DNAH17: variants seen among roughly 807,000 people sequenced by gnomAD.
DNAH17 encodes the protein axonemal beta dynein heavy chain 17.
A neutral mutation model predicts 485.6 loss-of-function variants in DNAH17; 376 were observed. The ratio of observed to expected loss-of-function variants is 0.77; its 90% CI spans 0.71 to 0.84. The LOEUF is 0.84. DNAH17 is among the 40% of genes least tolerant of loss of function. DNAH17 has a pLI of 0.00. For missense variants in DNAH17, 6,370 were observed against 5,839.3 expected (o/e 1.09, Z -2.96); for synonymous variants, 3,031 against 2,405.9 (o/e 1.26, Z -7.60).
Position 78,469,643 on chromosome 17 carries a change from G to A in DNAH17, c.8512-760C>T, listed in dbSNP as rs116527622. Among the ~76,000 whole-genome samples the A allele has an allele frequency of 4.8e-3, 727 of 152,322 alleles. 3 individuals are homozygous for A. The highest frequency in any genetic ancestry group is 0.016 in the African/African-American group (667 of 41,566). On this transcript the variant is annotated intron_variant, in intron 54 of 80. Transcript: ENST00000389840. ...CAAAACCTTGAACAGAGCACAGCCA[G>A]GTTCACAGCAGCCATCAGGACAACC...
rs1397012808 is a variant in DNAH17 at position 78,525,465 on chromosome 17, C to T, written c.3712-304G>A. Reference sequence around the variant, plus strand: ...AGTTTCTGATTTCCCAGCATTTCTTCAACTTTCATATTATATTTTTATCTT... The same window carrying T: ...AGTTTCTGATTTCCCAGCATTTCTTTAACTTTCATATTATATTTTTATCTT... On this transcript the variant is annotated intron_variant, in intron 24 of 80. Transcript: ENST00000389840. Among the ~76,000 whole-genome samples the T allele has an allele frequency of 2.6e-5, 4 of 152,248 alleles. No individual in the cohort carries two copies. The East Asian group carries it at 5.8e-4, about 22-fold the overall frequency.
At chr17:78,547,028 C>T (rs1355214166) in intron 16 of DNAH17, among the ~76,000 whole-genome samples, 2 of 152,198 alleles carry the variant, frequency 1.3e-5, no homozygotes, top group Non-Finnish European at 2.9e-5. Flanking sequence ...TCATGTTTAT[C>T]ACCATGGATA....
rs1194299555 is a variant in DNAH17 at position 78,571,737 on chromosome 17, G to T, written c.585C>A (p.Thr195=). The change falls in exon 4 of 81, where the codon ACC becomes ACA. Residue 195 remains threonine, a synonymous_variant. Transcript: ENST00000389840. ...LDNLLLHAIE[T]TIIDWSHQIR... ...TCTGGTGGGACCAGTCGATGATGGT[G>T]GTTTCAATGGCGTGCAGGAGCAAGT... 8 of 1,610,624 alleles carry T rather than the reference G, an allele frequency of 5.0e-6. No homozygotes were observed. The Admixed American group carries it at 1.2e-4, about 24-fold the overall frequency.
chr17:78,433,422 G>A (rs1487920610), intron 75 of DNAH17, among the ~76,000 whole-genome samples: 4 of 152,238 alleles, frequency 2.6e-5, no homozygotes, highest in Non-Finnish European at 4.4e-5. Flanking sequence ...ACCTTGCTCT[G>A]TGCCCCGACC....
In DNAH17 at chr17:78,535,946, G is replaced by A. The variant is rs1018718108; in HGVS notation, c.2859+1353C>T. The stretch of plus-strand genomic sequence containing the variant: ...TTTTTTTTTATTGCTATACAAATAG[G>A]TGCTTTGACAAACACACCACCTCAA... On this transcript the variant is annotated intron_variant, in intron 19 of 80. Transcript: ENST00000389840. Among the ~76,000 whole-genome samples the A allele has an allele frequency of 3.3e-5, 5 of 152,118 alleles. 1 individual carries two copies. In the South Asian group the frequency reaches 1.0e-3, roughly 32 times the overall value.
rs2087416335 is a variant in DNAH17, at chr17:78,448,646, G to A, written c.11211+768C>T. 3.9e-5 allele frequency among the ~76,000 whole-genome samples: 6 copies of A among 152,238 alleles called. No homozygotes were observed. The South Asian group carries it at 1.2e-3, about 31-fold the overall frequency. On this transcript the variant is annotated intron_variant, in intron 69 of 80. Transcript: ENST00000389840. The stretch of plus-strand genomic sequence containing the variant: ...TGAATGTGTTCCCCAAAAAGCATAT[G>A]TTGGAAACTGAATCCTCAGTGCAAC...
intron 29 of DNAH17, 41 bp from the exon 30 acceptor site, chr17:78,506,887 C>T (rs1568172727): frequency 6.2e-7 from 1 of 1,612,630 alleles, no homozygotes; most frequent in South Asian, 1.1e-5. Flanking sequence ...GGTGACCCTA[C>T]TCTGTAGGGA....
intron 14 of DNAH17, among the ~76,000 whole-genome samples, chr17:78,554,758 AT>A (rs948156636): frequency 6.6e-6 from 1 of 151,930 alleles, no homozygotes; most frequent in Non-Finnish European, 1.5e-5. Flanking sequence ...TTGGTACTTT[AT>A]TTTTTGAGAC....
chr17:78,545,828 A>G lies in DNAH17; in HGVS notation c.2392-1831T>C, dbSNP rs535738942. Among the ~76,000 whole-genome samples, 9 of 152,298 alleles carry G rather than the reference A, an allele frequency of 5.9e-5. No homozygotes were observed. In the South Asian group the frequency reaches 1.7e-3, roughly 28 times the overall value. On this transcript the variant is annotated intron_variant, in intron 16 of 80. Coordinates refer to ENST00000389840, the MANE Select transcript of DNAH17 (RefSeq NM_173628.4). Reference sequence around the variant, plus strand: ...GGGAACACAACATTTTAGGACAACTATAATTTTTATATAGATTTTACTTGA... The same window carrying G: ...GGGAACACAACATTTTAGGACAACTGTAATTTTTATATAGATTTTACTTGA...
At chr17:78,476,256 C>T (rs142263862) in intron 52 of DNAH17, among the ~76,000 whole-genome samples, 2 of 129,284 alleles carry the variant, frequency 1.5e-5, no homozygotes, top group East Asian at 2.7e-4. Flanking sequence ...CCCACAGCCA[C>T]GTGCCAGAGT....
rs1405575057 is a variant in DNAH17, at chr17:78,494,959, C to A, written c.6042G>T (p.Gln2014His). Residue 2014 changes from glutamine to histidine, a missense_variant and splice_region_variant, in exon 39 of 81, where the codon CAG becomes CAT. Physicochemically the swap from Gln to His is conservative, Grantham distance 24 (BLOSUM62 0). Transcript: ENST00000389840. ...YTLCKELLSK[Q>H]DHYDWGLRAI... is the part of the protein sequence containing the mutation. The stretch of plus-strand genomic sequence containing the variant: ...GCCGTGAGCTCCAGGACACACACAC[C>A]TGCTTCGAGAGCAGCTCCTTGCACA... 1 of 1,610,938 alleles carries A rather than the reference C, an allele frequency of 6.2e-7. No individual in the cohort carries two copies. The highest frequency in any genetic ancestry group is 1.7e-5 in the Admixed American group (1 of 59,916).
At chr17:78,531,089 T>C (rs561702090) in intron 20 of DNAH17, among the ~76,000 whole-genome samples, 1 of 152,342 alleles carries the variant, frequency 6.6e-6, no homozygotes, top group Non-Finnish European at 1.5e-5. Flanking sequence ...TTAACTCCAA[T>C]GTTTCTTTGC....
At position 78,449,479 on chromosome 17, in the gene DNAH17, T is replaced by C. The variant is rs556862603; in HGVS notation, c.11146A>G (p.Met3716Val). Reference protein sequence around the residue: ...LTDEITYSVYMYTARGLFERD... With the variant: ...LTDEITYSVYVYTARGLFERD... ...TCGAAGAGTCCCCGGGCCGTGTACA[T>C]GTAGACGGAGTAGGTGATCTCGTCC... The change falls in exon 69 of 81, where the codon ATG becomes GTG. Residue 3716 changes from methionine (M) to valine (V), a missense_variant. Met to Val is a conservative substitution (Grantham distance 21). Transcript: ENST00000389840. 8.3e-6 allele frequency: 13 copies of C among 1,568,334 alleles called. No homozygotes were observed. In the South Asian group the frequency reaches 1.2e-4, roughly 14 times the overall value.
At chr17:78,492,866 T>TTTTTTTTTTTTTC in intron 41 of DNAH17, 101 bp from the exon 42 acceptor site, 1 of 1,033,998 alleles carries the variant, frequency 9.7e-7, no homozygotes, top group East Asian at 3.4e-5. Context: ...TTTTTTTTTT[T>TTTTTTTTTTTTTC]TTGAGATGGA....
chr17:78,504,959 G>A (rs937149805), intron 31 of DNAH17, among the ~76,000 whole-genome samples: 1 of 129,318 alleles, frequency 7.7e-6, no homozygotes, highest in Non-Finnish European at 1.6e-5. Context: ...AGGCTGGAGT[G>A]CAGTGGCGCG....
chr17:78,426,355 C>T (rs2086459761), intron 79 of DNAH17, 102 bp downstream of exon 79: 6 of 1,377,606 alleles, frequency 4.4e-6, no homozygotes, highest in Non-Finnish European at 5.7e-6. Context: ...CCCCAGGAGC[C>T]TCCTGGCCAT....
chr17:78,487,749 T>TCCTGACCTTAGATGATCTGCCCG (rs1288566084), intron 44 of DNAH17, among the ~76,000 whole-genome samples: 1 of 152,092 alleles, frequency 6.6e-6, no homozygotes, highest in Non-Finnish European at 1.5e-5. Flanking sequence ...GGTCTTGAAC[T>TCCTGACCTTAGATGATCTGCCCG]CCTGACCTTA....
At chr17:78,484,739 A>ACCCCCCCACCCCCCCCCCCC in intron 48 of DNAH17, 129 bp downstream of exon 48, 1 of 347,796 alleles carries the variant, frequency 2.9e-6, no homozygotes, top group African/African-American at 2.7e-5. Flanking sequence ...ACGTTGCAGC[A>ACCCCCCCACCCCCCCCCCCC]CCCCCCCCAC....
chr17:78,491,304 G>C, intron 43 of DNAH17, 139 bp downstream of exon 43: 1 of 1,270,626 alleles, frequency 7.9e-7, no homozygotes, highest in Non-Finnish European at 1.1e-6. Context: ...CTCACTCATA[G>C]CTTCCTGTGG....
Sources: allele counts gnomAD v4.1 joint callset (sites outside exome capture counted in the v4.1 genomes callset), GRCh38; gene constraint gnomAD v4.1.1; transcripts MANE v1.5; gene names NCBI Gene and HGNC (gene_info 2026-07-23, HGNC 2026-07-21).